Variants in ROBO2 observed in about 807,000 individuals in gnomAD.
ROBO2 encodes roundabout homolog 2.
ROBO2 carries 53 observed loss-of-function variants against 160.8 expected under a neutral mutation model. That is an observed-to-expected ratio of 0.33 (90% CI 0.26 to 0.41). The LOEUF is 0.41. Among genes scored for constraint, ROBO2 ranks in the 10% least tolerant of loss-of-function variants. The pLI is 1.00. For synonymous variants in ROBO2, 664 were observed against 611.7 expected (o/e 1.09, Z -1.26); for missense variants, 1,577 against 1,722.4 (o/e 0.92, Z 1.49).
chr3:76,790,349 C>T (rs1014339145), intron 2 of ROBO2, among the ~76,000 whole-genome samples: 9 of 151,744 alleles, frequency 5.9e-5, no homozygotes, highest in Middle Eastern at 3.4e-3. Context: ...GAAGGAGTTG[C>T]AGAGTACGTT....
At chr3:76,456,055 C>A (rs1015292796) in intron 2 of ROBO2, among the ~76,000 whole-genome samples, 9 of 152,122 alleles carry the variant, frequency 5.9e-5, no homozygotes, top group African/African-American at 2.2e-4. Context: ...AGACTACATA[C>A]AAGTTATAAG....
At chr3:77,004,250 AGC>A (rs1010441981) in intron 2 of ROBO2, among the ~76,000 whole-genome samples, 1 of 152,244 alleles carries the variant, frequency 6.6e-6, no homozygotes, top group African/African-American at 2.4e-5. Context: ...AAATCTTCAT[AGC>A]TCTTTTGGTT....
At chr3:77,284,216 C>T (rs533980566) in intron 2 of ROBO2, among the ~76,000 whole-genome samples, 18 of 152,200 alleles carry the variant, frequency 1.2e-4, no homozygotes, top group African/African-American at 4.3e-4. Context: ...GACAGTATGG[C>T]TTACCAAGCC....
At chr3:75,969,541 A>G (rs896011955) in intron 2 of ROBO2, among the ~76,000 whole-genome samples, 2 of 151,586 alleles carry the variant, frequency 1.3e-5, no homozygotes, top group African/African-American at 4.8e-5. Context: ...AACAGTGAAC[A>G]TGAGTTTCCT....
intron 2 of ROBO2, among the ~76,000 whole-genome samples, chr3:76,846,915 T>G (rs1364190086): frequency 6.6e-6 from 1 of 152,110 alleles, no homozygotes; most frequent in Non-Finnish European, 1.5e-5. Flanking sequence ...ACATCTTTCC[T>G]GGAACTTAAT....
At chr3:76,109,468 G>A (rs1357198170) in intron 2 of ROBO2, among the ~76,000 whole-genome samples, 1 of 151,948 alleles carries the variant, frequency 6.6e-6, no homozygotes, top group Non-Finnish European at 1.5e-5. Flanking sequence ...GGCAAAGCAG[G>A]CATCACCCTA....
chr3:76,395,497 C>T (rs1393625997), intron 2 of ROBO2, among the ~76,000 whole-genome samples: 1 of 123,860 alleles, frequency 8.1e-6, no homozygotes. Context: ...GAAATAGAGA[C>T]AAAAAAAAAC....
chr3:77,324,507 C>T (rs528823644), intron 2 of ROBO2, among the ~76,000 whole-genome samples: 1 of 152,160 alleles, frequency 6.6e-6, no homozygotes, highest in Non-Finnish European at 1.5e-5. Context: ...AGGCCGGGCG[C>T]CGTGGCTCAC....
At chr3:77,099,093 A>T (rs1480680133) in intron 2 of ROBO2, among the ~76,000 whole-genome samples, 15 of 92,810 alleles carry the variant, frequency 1.6e-4, no homozygotes, top group Non-Finnish European at 2.8e-4. Flanking sequence ...TTTTTTTGAG[A>T]CAGTGTCTCC....
At chr3:75,970,784 C>T (rs1217899292) in intron 2 of ROBO2, among the ~76,000 whole-genome samples, 1 of 150,516 alleles carries the variant, frequency 6.6e-6, no homozygotes, top group African/African-American at 2.4e-5. Flanking sequence ...AACTGAAGGC[C>T]ATTTTTACTT....
At chr3:76,324,529 C>T (rs981985937) in intron 2 of ROBO2, among the ~76,000 whole-genome samples, 5 of 152,092 alleles carry the variant, frequency 3.3e-5, no homozygotes, top group African/African-American at 7.2e-5. Flanking sequence ...TTCTTCAATC[C>T]GTTAAATTAC....
intron 2 of ROBO2, among the ~76,000 whole-genome samples, chr3:76,992,687 A>G (rs6793699): frequency 0.19 from 28,986 of 152,000 alleles, 2,859 homozygotes; most frequent in African/African-American, 0.21. Flanking sequence ...GTTGCTGAAC[A>G]GAAATCTATC....
intron 2 of ROBO2, among the ~76,000 whole-genome samples, chr3:76,008,688 G>C (rs1426463114): frequency 1.3e-5 from 2 of 151,800 alleles, no homozygotes; most frequent in Non-Finnish European, 2.9e-5. Flanking sequence ...ATTGTAAGAA[G>C]TTAGAATCCT....
chr3:77,451,809 A>G (rs911091803), intron 2 of ROBO2, among the ~76,000 whole-genome samples: 2 of 151,346 alleles, frequency 1.3e-5, no homozygotes, highest in Admixed American at 6.6e-5. Context: ...GTTCTCGGGT[A>G]CATGTGCACA....
At chr3:77,603,650 A>G (rs1179527604) in intron 20 of ROBO2, 1 of 152,470 alleles carries the variant, frequency 6.6e-6, no homozygotes, top group Non-Finnish European at 1.5e-5. Flanking sequence ...TATCAGCTAA[A>G]CTGACAATCT....
chr3:76,608,596 T>G (rs750250168), intron 2 of ROBO2, among the ~76,000 whole-genome samples: 4 of 152,194 alleles, frequency 2.6e-5, no homozygotes, highest in Non-Finnish European at 5.9e-5. Flanking sequence ...CATTCATCTA[T>G]TTTTGCTTTG....
intron 21 of ROBO2, among the ~76,000 whole-genome samples, chr3:77,613,193 T>A (rs1244529220): frequency 1.3e-5 from 2 of 152,006 alleles, no homozygotes; most frequent in African/African-American, 2.4e-5. Flanking sequence ...ATATAACACA[T>A]ATTTCTTCTA....
intron 2 of ROBO2, among the ~76,000 whole-genome samples, chr3:76,248,254 A>G (rs899879543): frequency 3.9e-5 from 6 of 152,040 alleles, no homozygotes; most frequent in Non-Finnish European, 5.9e-5. Flanking sequence ...ATGTCCACCA[A>G]TGATAGACTG....
At chr3:75,960,181 C>T (rs569587379) in intron 2 of ROBO2, among the ~76,000 whole-genome samples, 49 of 151,846 alleles carry the variant, frequency 3.2e-4, no homozygotes, top group Non-Finnish European at 5.5e-4. Flanking sequence ...GTAGAAACTT[C>T]GCCCTTTAGT....
Sources: gnomAD v4.1 joint callset for allele counts (sites outside exome capture counted in the v4.1 genomes callset) on GRCh38, gnomAD v4.1.1 for gene constraint, MANE v1.5 for transcripts, NCBI Gene and HGNC (gene_info 2026-07-23, HGNC 2026-07-21) for gene names.